Variants in TMX3 observed in about 807,000 individuals in gnomAD.
TMX3 encodes the protein protein disulfide-isomerase TMX3.
In TMX3, 40 loss-of-function variants were observed where a neutral mutation model predicts 64.4. The ratio of observed to expected loss-of-function variants is 0.62; its 90% CI spans 0.48 to 0.81. The LOEUF is 0.81. Ranked by LOEUF, TMX3 falls within the 30% of genes least tolerant of loss-of-function variation. The pLI is 0.00. For synonymous variants in TMX3, 189 were observed against 175.7 expected (o/e 1.08, Z -0.60); for missense variants, 497 against 534.5 (o/e 0.93, Z 0.69).
intron 4 of TMX3, among the ~76,000 whole-genome samples, chr18:68,703,035 G>A (rs1047571719): frequency 5.3e-5 from 8 of 152,172 alleles, no homozygotes; most frequent in African/African-American, 1.9e-4. Flanking sequence ...CAAACTCAGA[G>A]CAAGCACATA....
At chr18:68,707,123 C>T (rs1211646215) in intron 4 of TMX3, among the ~76,000 whole-genome samples, 1 of 152,008 alleles carries the variant, frequency 6.6e-6, no homozygotes, top group South Asian at 2.1e-4. Flanking sequence ...CAGGCATATC[C>T]TAACATGGTA....
intron 9 of TMX3, chr18:68,690,051 T>C (rs1555686802): frequency 6.6e-6 from 1 of 152,244 alleles, no homozygotes; most frequent in Non-Finnish European, 1.5e-5. Context: ...TGTAGTCTTA[T>C]GACTGTCAAA....
chr18:68,691,522 T>A (rs559698167), intron 8 of TMX3, among the ~76,000 whole-genome samples, 161 bp from the exon 9 acceptor site: 1 of 152,342 alleles, frequency 6.6e-6, no homozygotes, highest in South Asian at 2.1e-4. Context: ...CCCAAACTCA[T>A]CCAAGAAGTA....
In TMX3 at chr18:68,676,724, GCT is replaced by G. The variant is rs1353112636; in HGVS notation, c.*207_*208del. 1 of 589,932 alleles carries G rather than the reference GCT, an allele frequency of 1.7e-6. No homozygotes were observed. Among genetic ancestry groups the G allele is most frequent in the Admixed American group, 3.2e-5 (1 of 30,790 alleles). 36.5% of individuals were successfully genotyped at this position (589,932 alleles called of 1,614,324 possible). The stretch of plus-strand genomic sequence containing the variant: ...AAGATCAGGTAAATTTTGATGGAGT[GCT>G]CTGTGTTTGTTTCAGACAAACTGTT... On this transcript the variant is annotated 3_prime_UTR_variant, in exon 16 of 16. Transcript: ENST00000299608.
At chr18:68,679,115 G>A (rs1200075854) in intron 15 of TMX3, among the ~76,000 whole-genome samples, 1 of 151,978 alleles carries the variant, frequency 6.6e-6, no homozygotes, top group Non-Finnish European at 1.5e-5. Flanking sequence ...CCAATTTACA[G>A]AAGACAGCAC....
chr18:68,701,123 A>T (rs2030017368), intron 5 of TMX3: 1 of 690,876 alleles, frequency 1.4e-6, no homozygotes, highest in Non-Finnish European at 1.8e-6. Context: ...GGCTAAGCAA[A>T]CATTTTTAAA....
chr18:68,707,978 T>C (rs2030858787), intron 4 of TMX3, among the ~76,000 whole-genome samples: 1 of 149,452 alleles, frequency 6.7e-6, no homozygotes, highest in Non-Finnish European at 1.5e-5. Flanking sequence ...TGTACATATA[T>C]GTGTATGTGT....
intron 12 of TMX3, among the ~76,000 whole-genome samples, chr18:68,683,402 T>A (rs904195630): frequency 2.6e-5 from 4 of 152,128 alleles, no homozygotes; most frequent in African/African-American, 4.8e-5. Flanking sequence ...GAAATAATAA[T>A]TCACTAATAA....
At chr18:68,703,248 A>T (rs576363084) in intron 4 of TMX3, among the ~76,000 whole-genome samples, 1 of 152,362 alleles carries the variant, frequency 6.6e-6, no homozygotes, top group South Asian at 2.1e-4. Context: ...CTTCAATTAA[A>T]ACTCATTTTA....
At chr18:68,697,405 AC>A (rs1216285076) in intron 7 of TMX3, 102 bp from the exon 8 acceptor site, 1 of 545,166 alleles carries the variant, frequency 1.8e-6, no homozygotes, top group Non-Finnish European at 3.2e-6. Flanking sequence ...AAGAGTCATC[AC>A]CTTAATGTGC....
intron 8 of TMX3, among the ~76,000 whole-genome samples, chr18:68,692,056 A>G (rs1303508999): frequency 6.6e-6 from 1 of 152,218 alleles, no homozygotes; most frequent in African/African-American, 2.4e-5. Context: ...TCCTGGAAAA[A>G]TTAAAAAGGG....
rs911129408 is a variant in TMX3 at position 68,690,209 on chromosome 18, C to G, written c.637+1086G>C. ...GTCACATAGAATTCAGTAAGAAAAACACATTCTAGAATATTTCTGAATGAA... is the reference window on the plus strand; with the variant it reads ...GTCACATAGAATTCAGTAAGAAAAAGACATTCTAGAATATTTCTGAATGAA... On this transcript the variant is annotated intron_variant, in intron 9 of 15. Transcript: ENST00000299608. Among the ~76,000 whole-genome samples the G allele has an allele frequency of 2.6e-5, 4 of 152,214 alleles. No homozygotes were observed. The East Asian group carries it at 7.7e-4, about 29-fold the overall frequency.
At chr18:68,697,729 C>A (rs1224040666) in intron 7 of TMX3, 3 of 488,466 alleles carry the variant, frequency 6.1e-6, no homozygotes, top group African/African-American at 5.9e-5. Flanking sequence ...CATTTACTCA[C>A]TTTTTACACA....
Position 68,715,053 on chromosome 18 carries a change from C to G in TMX3, c.-72G>C, listed in dbSNP as rs2031831050. 1.3e-6 allele frequency: 2 copies of G among 1,546,746 alleles called. No individual in the cohort carries two copies. The highest frequency in any genetic ancestry group is 1.7e-6 in the Non-Finnish European group (2 of 1,144,888). On this transcript the variant is annotated 5_prime_UTR_variant, in exon 1 of 16. Coordinates refer to ENST00000299608, the MANE Select transcript of TMX3 (RefSeq NM_019022.5). ...AAGACACTGGGGTCCGCCGCCTGCCCGCCCGGAAAGGGAAACGGAGCCGAC... is the reference window on the plus strand; with the variant it reads ...AAGACACTGGGGTCCGCCGCCTGCCGGCCCGGAAAGGGAAACGGAGCCGAC...
chr18:68,696,540 A>C (rs988256876), intron 8 of TMX3, among the ~76,000 whole-genome samples: 1 of 150,316 alleles, frequency 6.7e-6, no homozygotes, highest in Non-Finnish European at 1.5e-5. Flanking sequence ...GCAGTCGTGC[A>C]ATCTTGTCTC....
intron 4 of TMX3, among the ~76,000 whole-genome samples, chr18:68,705,660 T>G (rs1006601066): frequency 2.0e-5 from 3 of 152,230 alleles, no homozygotes; most frequent in African/African-American, 7.2e-5. Context: ...AGAAATATTT[T>G]AGCACTCATT....
At chr18:68,692,921 A>C (rs1462350669) in intron 8 of TMX3, among the ~76,000 whole-genome samples, 2 of 152,214 alleles carry the variant, frequency 1.3e-5, no homozygotes, top group African/African-American at 4.8e-5. Context: ...AGATGGTGTC[A>C]AATGGTGCCA....
chr18:68,711,845 T>C (rs2031308608), intron 2 of TMX3, among the ~76,000 whole-genome samples: 1 of 152,128 alleles, frequency 6.6e-6, no homozygotes, highest in Non-Finnish European at 1.5e-5. Flanking sequence ...TCAGTGTTCA[T>C]AAAATGCGCG....
intron 7 of TMX3, 189 bp downstream of exon 7, chr18:68,697,743 C>T (rs1915238285): frequency 1.9e-6 from 1 of 525,416 alleles, no homozygotes; most frequent in Non-Finnish European, 3.3e-6. Flanking sequence ...TTACACACTT[C>T]TGTTTCATAT....
Sources: allele counts gnomAD v4.1 joint callset (sites outside exome capture counted in the v4.1 genomes callset), GRCh38; gene constraint gnomAD v4.1.1; transcripts MANE v1.5; gene names NCBI Gene and HGNC (gene_info 2026-07-23, HGNC 2026-07-21).